The following LYPD1 variants were observed in gnomAD, a reference collection of about 807,000 sequenced individuals.
The protein encoded by LYPD1 is ly6/PLAUR domain-containing protein 1.
Under a neutral mutation model 14.2 loss-of-function variants are expected in LYPD1, and 14 were observed. The ratio of observed to expected loss-of-function variants is 0.99; its 90% CI spans 0.65 to 1.54. LYPD1 has a LOEUF of 1.54. Among genes scored for constraint, LYPD1 ranks in the 40% most tolerant of loss-of-function variants. LYPD1 has a pLI of 0.00. For missense variants in LYPD1, 165 were observed against 175.7 expected (o/e 0.94, Z 0.34); for synonymous variants, 85 against 70.6 (o/e 1.20, Z -1.02).
intron 2 of LYPD1, among the ~76,000 whole-genome samples, chr2:132,658,171 C>A (rs998098608): frequency 6.6e-6 from 1 of 152,184 alleles, no homozygotes; most frequent in African/African-American, 2.4e-5. Context: ...AAAAAGCCAA[C>A]ATGCTTAGGG....
At chr2:132,658,617 A>G (rs917773374) in intron 2 of LYPD1, among the ~76,000 whole-genome samples, 2 of 152,236 alleles carry the variant, frequency 1.3e-5, no homozygotes, top group African/African-American at 4.8e-5. Context: ...TCAGTGAAAG[A>G]GTGTAAGGGC....
chr2:132,665,025 G>A (rs1683188624), intron 2 of LYPD1, among the ~76,000 whole-genome samples: 2 of 152,194 alleles, frequency 1.3e-5, no homozygotes, highest in Admixed American at 1.3e-4. Context: ...AATGAAAGAA[G>A]TTGAAATGAA....
rs1363915360 is a variant in LYPD1, at chr2:132,643,485, T to A, written c.*2560A>T. On this transcript the variant is annotated 3_prime_UTR_variant, in exon 3 of 3. Transcript: ENST00000397463. ...TGCATACAGGAGGCTCAATTCTGGATGTGTGAATGTGGCTGTTTTTTCCTG... is the reference window on the plus strand; with the variant it reads ...TGCATACAGGAGGCTCAATTCTGGAAGTGTGAATGTGGCTGTTTTTTCCTG... Among the ~76,000 whole-genome samples, 1 of 152,164 alleles carries A rather than the reference T, an allele frequency of 6.6e-6. No homozygotes were observed. Among genetic ancestry groups the A allele is most frequent in the Admixed American group, 6.5e-5 (1 of 15,280 alleles).
At chr2:132,646,756 G>A (rs1053733183) in intron 2 of LYPD1, among the ~76,000 whole-genome samples, 2 of 152,202 alleles carry the variant, frequency 1.3e-5, no homozygotes, top group African/African-American at 4.8e-5. Flanking sequence ...TTTGAAGACA[G>A]ACCAAATCCC....
chr2:132,655,163 A>G (rs1157633862), intron 2 of LYPD1, among the ~76,000 whole-genome samples: 1 of 152,158 alleles, frequency 6.6e-6, no homozygotes, highest in Non-Finnish European at 1.5e-5. Context: ...TGAGTGACTC[A>G]TAGCAAACAG....
intron 2 of LYPD1, among the ~76,000 whole-genome samples, chr2:132,666,054 G>T (rs1436345592): frequency 6.6e-6 from 1 of 152,172 alleles, no homozygotes; most frequent in Non-Finnish European, 1.5e-5. Context: ...ACTGGCTGTG[G>T]CATGAGGAAA....
chr2:132,651,130 G>A (rs990014760), intron 2 of LYPD1, among the ~76,000 whole-genome samples: 1 of 152,214 alleles, frequency 6.6e-6, no homozygotes, highest in Non-Finnish European at 1.5e-5. Context: ...GGCGGCCACA[G>A]GATAGGAGTG....
intron 2 of LYPD1, among the ~76,000 whole-genome samples, chr2:132,663,274 T>A (rs1010997083): frequency 3.9e-5 from 6 of 152,212 alleles, no homozygotes; most frequent in African/African-American, 1.4e-4. Context: ...AAAGGTTTTT[T>A]TGTTTCGTTT....
Position 132,644,691 on chromosome 2 carries a change from C to CAG in LYPD1, c.*1353_*1354insCT, listed in dbSNP as rs869261035. ...GCAGACATCCTTTAAAATACAAACA[C>CAG]TGCTTTATCTAATGCAGCTATACTG... On this transcript the variant is annotated 3_prime_UTR_variant, in exon 3 of 3. Transcript: ENST00000397463. Among the ~76,000 whole-genome samples the CAG allele has an allele frequency of 2.2e-5, 3 of 133,848 alleles. No homozygotes were observed. The highest frequency in any genetic ancestry group is 5.0e-5 in the Non-Finnish European group (3 of 59,998). The allele number at this position is 133,848 out of a possible 152,430, so 87.8% of individuals were successfully genotyped here. A position where few individuals can be genotyped will look rare whatever the true frequency, so the allele number is the denominator to read the frequency against.
At chr2:132,660,504 G>T (rs1301315870) in intron 2 of LYPD1, 1 of 152,202 alleles carries the variant, frequency 6.6e-6, no homozygotes, top group Non-Finnish European at 1.5e-5. Context: ...GAATCACGAT[G>T]TAGCCACAAG....
intron 2 of LYPD1, among the ~76,000 whole-genome samples, chr2:132,667,607 G>A (rs996486190): frequency 1.3e-5 from 2 of 152,214 alleles, no homozygotes; most frequent in African/African-American, 4.8e-5. Context: ...GGCAAGGTCT[G>A]TGTTTATGGT....
At chr2:132,648,990 C>T (rs567435354) in intron 2 of LYPD1, among the ~76,000 whole-genome samples, 3 of 152,196 alleles carry the variant, frequency 2.0e-5, no homozygotes, top group South Asian at 2.1e-4. Flanking sequence ...GAAACTGGCA[C>T]GAGAGATGCT....
At chr2:132,664,237 A>T (rs1434394998) in intron 2 of LYPD1, among the ~76,000 whole-genome samples, 1 of 152,268 alleles carries the variant, frequency 6.6e-6, no homozygotes, top group East Asian at 1.9e-4. Flanking sequence ...GATCTCGGGG[A>T]AATTAAGCAG....
intron 2 of LYPD1, among the ~76,000 whole-genome samples, chr2:132,653,302 C>T (rs1307574901): frequency 1.3e-5 from 2 of 152,192 alleles, no homozygotes; most frequent in African/African-American, 4.8e-5. Flanking sequence ...ACCCAGTGGA[C>T]AAAGCTGGAG....
chr2:132,668,467 C>T lies in LYPD1; in HGVS notation c.123G>A (p.Glu41=), dbSNP rs754973066. Residue 41 remains glutamate (E), a synonymous_variant, in exon 2 of 3, where the codon GAG becomes GAA. Transcript: ENST00000397463. ...CGTTCACCGTGCAATTCACAATGAACTCGGGGGAGGAGCAGTCGTTGTTCA... is the reference window on the plus strand; with the variant it reads ...CGTTCACCGTGCAATTCACAATGAATTCGGGGGAGGAGCAGTCGTTGTTCA... ...FQLNNDCSSP[E]FIVNCTVNVQ... The T allele has an allele frequency of 1.2e-6, 2 of 1,611,680 alleles. No homozygotes were observed. Among genetic ancestry groups the T allele is most frequent in the Non-Finnish European group, 1.7e-6 (2 of 1,178,956 alleles).
At position 132,643,783 on chromosome 2, in the gene LYPD1, G is replaced by A. The variant is rs1431643763; in HGVS notation, c.*2262C>T. Among the ~76,000 whole-genome samples the A allele has an allele frequency of 6.6e-6, 1 of 152,192 alleles. No homozygotes were observed. The highest frequency in any genetic ancestry group is 1.5e-5 in the Non-Finnish European group (1 of 68,040). On this transcript the variant is annotated 3_prime_UTR_variant, in exon 3 of 3. Transcript: ENST00000397463. Reference sequence around the variant, plus strand: ...GATCCTTCTGCCTTGGCCTCCCAGAGTATTGAGATATCAGGCATGCGCCAC... The same window carrying A: ...GATCCTTCTGCCTTGGCCTCCCAGAATATTGAGATATCAGGCATGCGCCAC...
Position 132,645,918 on chromosome 2 carries a change from G to A in LYPD1, c.*127C>T, listed in dbSNP as rs1175926297. 3.0e-4 allele frequency: 218 copies of A among 719,568 alleles called. 1 individual carries two copies. Among genetic ancestry groups the A allele is most frequent in the Non-Finnish European group, 3.6e-5 (16 of 446,386 alleles). The allele number at this position is 719,568 out of a possible 1,614,324, so 44.6% of individuals were successfully genotyped here. A position where few individuals can be genotyped will look rare whatever the true frequency, so the allele number is the denominator to read the frequency against. Reference sequence around the variant, plus strand: ...TTTCATTATTTGCACAGGAACAAAAGAGAACACGGACTCCCGCTCCCTACC... The same window carrying A: ...TTTCATTATTTGCACAGGAACAAAAAAGAACACGGACTCCCGCTCCCTACC... On this transcript the variant is annotated 3_prime_UTR_variant, in exon 3 of 3. Coordinates refer to ENST00000397463, the MANE Select transcript of LYPD1 (RefSeq NM_144586.7).
Position 132,645,686 on chromosome 2 carries a change from T to C in LYPD1, c.*359A>G. 1 of 1,518,122 alleles carries C rather than the reference T, an allele frequency of 6.6e-7. No individual in the cohort carries two copies. Among genetic ancestry groups the C allele is most frequent in the Non-Finnish European group, 8.8e-7 (1 of 1,132,086 alleles). The allele number at this position is 1,518,122 out of a possible 1,614,324, so 94.0% of individuals were successfully genotyped here. ...TCACTCTCACTCTGCAGTCTCAAACTATGCCCCCATCAGGGATGGAATGGA... is the reference window on the plus strand; with the variant it reads ...TCACTCTCACTCTGCAGTCTCAAACCATGCCCCCATCAGGGATGGAATGGA... On this transcript the variant is annotated 3_prime_UTR_variant, in exon 3 of 3. Transcript: ENST00000397463.
rs769757790 is a variant in LYPD1 at position 132,645,477 on chromosome 2, C to T, written c.*568G>A. 1.2e-6 allele frequency: 2 copies of T among 1,614,054 alleles called. No individual in the cohort carries two copies. Among genetic ancestry groups the T allele is most frequent in the Non-Finnish European group, 1.7e-6 (2 of 1,180,030 alleles). On this transcript the variant is annotated 3_prime_UTR_variant, in exon 3 of 3. Coordinates refer to ENST00000397463, the MANE Select transcript of LYPD1 (RefSeq NM_144586.7). ...GGAGAACTGAGAAGATTTTCTTAAG[C>T]ACTTTTCAGAGCGAGGCCGAGCCCC... is the stretch of plus-strand genomic sequence containing the variant.
Sources: gnomAD v4.1 joint callset for allele counts (sites outside exome capture counted in the v4.1 genomes callset) on GRCh38, gnomAD v4.1.1 for gene constraint, MANE v1.5 for transcripts, NCBI Gene and HGNC (gene_info 2026-07-23, HGNC 2026-07-21) for gene names.